The following TRERF1 variants were observed in gnomAD, a reference collection of about 807,000 sequenced individuals.
TRERF1 encodes transcriptional regulating factor 1.
A neutral mutation model predicts 122.9 loss-of-function variants in TRERF1; 27 were observed. The observed-to-expected ratio is 0.22, with a 90% CI of 0.16 to 0.30. The LOEUF (loss-of-function observed/expected upper bound fraction) is 0.30, where lower values mean the gene tolerates loss of function less well. Ranked by LOEUF, TRERF1 falls within the 10% of genes least tolerant of loss-of-function variation. TRERF1 has a pLI of 1.00. For missense variants in TRERF1, 1,248 were observed against 1,560.3 expected (o/e 0.80, Z 3.37); for synonymous variants, 636 against 641.7 (o/e 0.99, Z 0.13).
chr6:42,299,116 C>CTGTCTGTCTGTATCTA lies in TRERF1; in HGVS notation c.-259+1521_-259+1522insTAGATACAGACAGACA, dbSNP rs10627056. On this transcript the variant is annotated intron_variant, in intron 4 of 17. Transcript: ENST00000372922. ...TCTATCTGTCTGTCTGTCTGTCTGT[C>CTGTCTGTCTGTATCTA]TCTATCTATCTATCTATCTACATAT... is the stretch of plus-strand genomic sequence containing the variant. 1.6e-4 allele frequency among the ~76,000 whole-genome samples: 22 copies of CTGTCTGTCTGTATCTA among 141,778 alleles called. 2 individuals are homozygous for CTGTCTGTCTGTATCTA. Among genetic ancestry groups the CTGTCTGTCTGTATCTA allele is most frequent in the African/African-American group, 5.1e-4 (19 of 37,478 alleles). The allele number at this position is 141,778 out of a possible 152,430, so 93.0% of individuals were successfully genotyped here. A position where few individuals can be genotyped will look rare whatever the true frequency, so the allele number is the denominator to read the frequency against.
chr6:42,255,494 A>C (rs59179052), intron 12 of TRERF1, among the ~76,000 whole-genome samples: 19,227 of 152,208 alleles, frequency 0.13, 1,599 homozygotes, highest in African/African-American at 0.23. Context: ...TGCTACTCTA[A>C]GTGTGGTCCA....
At chr6:42,226,409 G>C (rs573428657) in exon 18 of TRERF1, 3 of 152,316 alleles carry the variant, frequency 2.0e-5, no homozygotes, top group African/African-American at 7.2e-5. Flanking sequence ...TGGGAGAGAC[G>C]ATCAGCCAAG....
chr6:42,335,139 A>G (rs1765917382), intron 3 of TRERF1, among the ~76,000 whole-genome samples: 1 of 152,252 alleles, frequency 6.6e-6, no homozygotes, highest in Non-Finnish European at 1.5e-5. Context: ...TAAAACAGAG[A>G]AAAAGGAACT....
chr6:42,357,224 G>C (rs772924198), intron 3 of TRERF1, among the ~76,000 whole-genome samples: 8 of 151,172 alleles, frequency 5.3e-5, no homozygotes, highest in Non-Finnish European at 1.2e-4. Flanking sequence ...AGCTACTCAG[G>C]AGGCTGAGGC....
At position 42,269,822 on chromosome 6, in the gene TRERF1, A is replaced by C. The variant is rs1481013021; in HGVS notation, c.-232T>G. On this transcript the variant is annotated 5_prime_UTR_variant, in exon 5 of 18. Coordinates refer to ENST00000372922, the Ensembl canonical transcript of TRERF1. This position sits in a 1 kb window ranked among gnomAD's most constrained non-coding sequence, Gnocchi z 4.9. ...CTGGCTGAGGTATAGACCACACAGC[A>C]CTGTGGTGAGGAGACGTCGCTCACA... is the stretch of plus-strand genomic sequence containing the variant. The C allele has an allele frequency of 1.7e-6, 2 of 1,184,610 alleles. No homozygotes were observed. The highest frequency in any genetic ancestry group is 1.5e-5 in the African/African-American group (1 of 64,826). 73.4% of individuals were successfully genotyped at this position (1,184,610 alleles called of 1,614,324 possible).
intron 2 of TRERF1, among the ~76,000 whole-genome samples, chr6:42,420,168 C>G (rs145801526): frequency 6.6e-6 from 1 of 152,326 alleles, no homozygotes; most frequent in East Asian, 1.9e-4. Context: ...AGTCACCTCC[C>G]TTCCCAGGAC....
intron 2 of TRERF1, among the ~76,000 whole-genome samples, chr6:42,406,087 T>C (rs1008694917): frequency 1.2e-4 from 19 of 152,242 alleles, no homozygotes; most frequent in African/African-American, 4.6e-4. Context: ...CCTCCTCATA[T>C]CCCTAGGAGG....
chr6:42,314,442 T>G (rs1478083548), intron 3 of TRERF1, among the ~76,000 whole-genome samples: 1 of 152,182 alleles, frequency 6.6e-6, no homozygotes, highest in Non-Finnish European at 1.5e-5. Flanking sequence ...CAGCAAGCCT[T>G]GCAAAATTAA....
At chr6:42,362,636 T>C (rs935152027) in intron 3 of TRERF1, among the ~76,000 whole-genome samples, 2 of 152,218 alleles carry the variant, frequency 1.3e-5, no homozygotes, top group African/African-American at 4.8e-5. Flanking sequence ...TCTGGCAGGC[T>C]CTGTGGAGCT....
At chr6:42,307,689 GA>G (rs34629644) in intron 3 of TRERF1, among the ~76,000 whole-genome samples, 11,077 of 122,328 alleles carry the variant, frequency 0.091, 403 homozygotes, top group African/African-American at 0.1. Context: ...GTAAATGTAT[GA>G]AAAAAAAAAA....
At chr6:42,289,219 A>G (rs9471833) in intron 4 of TRERF1, among the ~76,000 whole-genome samples, 61,170 of 151,700 alleles carry the variant, frequency 0.4, 12,774 homozygotes, top group African/African-American at 0.5. Flanking sequence ...CCAGCTACTC[A>G]GGAGGCTGAG....
chr6:42,230,416 T>C (rs2149468706), intron 17 of TRERF1, among the ~76,000 whole-genome samples: 1 of 152,136 alleles, frequency 6.6e-6, no homozygotes, highest in Non-Finnish European at 1.5e-5. Flanking sequence ...CATGAAATAC[T>C]GATTTTTTTT....
chr6:42,308,022 G>C (rs1003787705), intron 3 of TRERF1, among the ~76,000 whole-genome samples: 1 of 152,214 alleles, frequency 6.6e-6, no homozygotes, highest in Non-Finnish European at 1.5e-5. Context: ...AGTAGGGATG[G>C]AAAATGGTGT....
chr6:42,353,546 C>A (rs560328815), intron 3 of TRERF1, among the ~76,000 whole-genome samples: 2 of 152,130 alleles, frequency 1.3e-5, no homozygotes, highest in South Asian at 4.2e-4. Context: ...CAATATCGCG[C>A]CATTGCACTC....
intron 15 of TRERF1, among the ~76,000 whole-genome samples, chr6:42,241,003 C>A (rs1480613687): frequency 2.0e-5 from 3 of 152,176 alleles, no homozygotes; most frequent in Non-Finnish European, 4.4e-5. Context: ...GGCAATTCTC[C>A]TGCCTCAGCC....
intron 2 of TRERF1, among the ~76,000 whole-genome samples, chr6:42,436,807 AAAAAAAAATATAT>A (rs1425390837): frequency 8.7e-6 from 1 of 114,744 alleles, no homozygotes; most frequent in Non-Finnish European, 1.8e-5. Flanking sequence ...CTACAAAAAA[AAAAAAAAATATAT>A]ATATATATAT....
chr6:42,264,628 ACT>A (rs1778815760), intron 7 of TRERF1, 74 bp downstream of exon 7: 21 of 1,565,808 alleles, frequency 1.3e-5, no homozygotes, highest in Non-Finnish European at 1.6e-5. Context: ...GGCTCACATC[ACT>A]CTCTGTCTGA....
rs572162751 is a variant in TRERF1 at position 42,379,644 on chromosome 6, C to T, written c.-453-16565G>A. Reference sequence around the variant, plus strand: ...TTTCCAGGCATCAACAATCCTCCCACCTCAGCCTCCCAAGCAGCTGGGACC... The same window carrying T: ...TTTCCAGGCATCAACAATCCTCCCATCTCAGCCTCCCAAGCAGCTGGGACC... On this transcript the variant is annotated intron_variant, in intron 2 of 17. Coordinates refer to ENST00000372922, the Ensembl canonical transcript of TRERF1. Among the ~76,000 whole-genome samples the T allele has an allele frequency of 1.6e-4, 25 of 152,300 alleles. No individual in the cohort carries two copies. The South Asian group carries it at 4.6e-3, about 28-fold the overall frequency.
At chr6:42,442,385 C>T (rs1252880310) in intron 2 of TRERF1, among the ~76,000 whole-genome samples, 1 of 152,130 alleles carries the variant, frequency 6.6e-6, no homozygotes, top group African/African-American at 2.4e-5. Context: ...AGGAAGGATT[C>T]TTTCTGAGGG....
Sources: allele counts gnomAD v4.1 joint callset (sites outside exome capture counted in the v4.1 genomes callset), GRCh38; gene constraint gnomAD v4.1.1; non-coding constraint Gnocchi (gnomAD v3.1); transcripts MANE v1.5; gene names NCBI Gene and HGNC (gene_info 2026-07-23, HGNC 2026-07-21).